The following TF variants were observed in gnomAD, a reference collection of about 807,000 sequenced individuals.
The protein encoded by TF is serotransferrin.
In TF, 55 loss-of-function variants were observed where a neutral mutation model predicts 82.4. The observed-to-expected ratio is 0.67, with a 90% CI of 0.54 to 0.84. The LOEUF (loss-of-function observed/expected upper bound fraction) is 0.84, where lower values mean the gene tolerates loss of function less well. Among genes scored for constraint, TF ranks in the 40% least tolerant of loss-of-function variants. TF has a pLI of 0.00. For synonymous variants in TF, 332 were observed against 332.6 expected, an observed-to-expected ratio of 1.00 and a Z score of 0.02; for missense variants, 737 against 868.4, an observed-to-expected ratio of 0.85 and a Z score of 1.90.
chr3:133,728,062 A>G, the TF span, among the ~76,000 whole-genome samples: 1 of 152,176 alleles, frequency 6.6e-6, no homozygotes, highest in East Asian at 1.9e-4. Context: ...GGGTAACCCA[A>G]CCTTTCTCCC....
At chr3:133,680,361 A>G in the TF span, among the ~76,000 whole-genome samples, 46,718 of 151,236 alleles carry the variant, frequency 0.31, 7,583 homozygotes, top group East Asian at 0.48. Context: ...ACATGCCACC[A>G]CACCTAACTA....
intron 12 of TF, among the ~76,000 whole-genome samples, chr3:133,767,244 A>G (rs1283616023): frequency 6.6e-6 from 1 of 151,966 alleles, no homozygotes; most frequent in Admixed American, 6.6e-5. Context: ...GCTTATTTCT[A>G]CCCCGCTTAA....
intron 2 of TF, among the ~76,000 whole-genome samples, chr3:133,749,656 C>G (rs1453357307): frequency 6.6e-6 from 1 of 152,152 alleles, no homozygotes; most frequent in Non-Finnish European, 1.5e-5. Flanking sequence ...AGGCAGCAAA[C>G]AAGAGCATAT....
At chr3:133,750,289 C>T (rs2107909198) in intron 2 of TF, among the ~76,000 whole-genome samples, 1 of 152,288 alleles carries the variant, frequency 6.6e-6, no homozygotes, top group Middle Eastern at 3.4e-3. Flanking sequence ...TGCTAGGAGC[C>T]ATGCCAGAGT....
chr3:133,681,663 C>T, the TF span, among the ~76,000 whole-genome samples: 1 of 152,208 alleles, frequency 6.6e-6, no homozygotes, highest in South Asian at 2.1e-4. Flanking sequence ...AGGGGCGCCC[C>T]TCATTGCTGA....
the TF span, among the ~76,000 whole-genome samples, chr3:133,694,841 A>T: frequency 6.7e-6 from 1 of 148,588 alleles, no homozygotes; most frequent in East Asian, 2.0e-4. Flanking sequence ...AAAGGCTTTA[A>T]GCCTTTAGTT....
chr3:133,679,569 C>CTTTTTTTTTTTTTTT, the TF span, among the ~76,000 whole-genome samples: 8 of 75,380 alleles, frequency 1.1e-4, no homozygotes, highest in Admixed American at 1.8e-4. Flanking sequence ...CTTTGTTTGG[C>CTTTTTTTTTTTTTTT]TTTTTTTTTT....
chr3:133,671,532 T>C, the TF span, among the ~76,000 whole-genome samples: 6 of 151,382 alleles, frequency 4.0e-5, no homozygotes, highest in African/African-American at 1.5e-4. Context: ...AGCTGTAATC[T>C]CAGCACTTTG....
chr3:133,746,276 G>C (rs533340450), upstream of TF: 32 of 742,138 alleles, frequency 4.3e-5, no homozygotes, highest in Middle Eastern at 1.5e-3. Context: ...GTAAGGAAGG[G>C]GGGTTGGGAG....
At chr3:133,662,957 G>T in the TF span, among the ~76,000 whole-genome samples, 21,052 of 152,132 alleles carry the variant, frequency 0.14, 1,778 homozygotes, top group East Asian at 0.38. Flanking sequence ...CCGATGGAAG[G>T]TGACAAAGAT....
chr3:133,754,405 G>A (rs929990302), intron 3 of TF, 90 bp from the exon 4 acceptor site: 24 of 1,376,484 alleles, frequency 1.7e-5, no homozygotes, highest in African/African-American at 2.9e-5. Flanking sequence ...TGGCCTCTCC[G>A]CTCCCCTCCC....
intron 2 of TF, among the ~76,000 whole-genome samples, chr3:133,750,889 T>C (rs906352001): frequency 6.6e-6 from 1 of 152,200 alleles, no homozygotes; most frequent in Non-Finnish European, 1.5e-5. Flanking sequence ...CCTGTTTGCT[T>C]CATTTTTATT....
the TF span, among the ~76,000 whole-genome samples, chr3:133,720,534 A>G: frequency 0.61 from 91,965 of 152,002 alleles, 28,588 homozygotes; most frequent in East Asian, 0.76. Context: ...TATATTCATT[A>G]AAGGTGTTGA....
At chr3:133,769,849 C>T (rs1342589068) in intron 13 of TF, among the ~76,000 whole-genome samples, 1 of 152,186 alleles carries the variant, frequency 6.6e-6, no homozygotes, top group Non-Finnish European at 1.5e-5. Context: ...TAGAACCCTA[C>T]TAACCAGAGT....
At chr3:133,680,835 A>G in the TF span, among the ~76,000 whole-genome samples, 1 of 152,152 alleles carries the variant, frequency 6.6e-6, no homozygotes, top group African/African-American at 2.4e-5. Context: ...AGTCAAACAG[A>G]CCCAGATGGT....
At chr3:133,715,375 C>T in the TF span, among the ~76,000 whole-genome samples, 2 of 152,210 alleles carry the variant, frequency 1.3e-5, no homozygotes, top group Admixed American at 6.5e-5. Context: ...ACTGCCTTCC[C>T]TCCTCCTACT....
At chr3:133,728,638 C>A in the TF span, among the ~76,000 whole-genome samples, 1 of 152,194 alleles carries the variant, frequency 6.6e-6, no homozygotes, top group Non-Finnish European at 1.5e-5. Flanking sequence ...TTGTCTGAAG[C>A]CTTCTTCTCT....
chr3:133,774,145 T>C (rs1182605653), intron 14 of TF: 1 of 152,186 alleles, frequency 6.6e-6, no homozygotes, highest in Non-Finnish European at 1.5e-5. Flanking sequence ...ATGTGTGTTA[T>C]TTTCCCCTCC....
chr3:133,741,310 A>G (rs1358094145), upstream of TF, among the ~76,000 whole-genome samples: 2 of 152,136 alleles, frequency 1.3e-5, no homozygotes, highest in East Asian at 3.8e-4. Flanking sequence ...ATTTATTCTA[A>G]GGTATACTCT....
Sources: gnomAD v4.1 joint callset for allele counts (sites outside exome capture counted in the v4.1 genomes callset) on GRCh38, gnomAD v4.1.1 for gene constraint, MANE v1.5 for transcripts, NCBI Gene and HGNC (gene_info 2026-07-23, HGNC 2026-07-21) for gene names.